Variants in CFAP299 observed in about 807,000 individuals in gnomAD.
CFAP299 encodes cilia- and flagella-associated protein 299.
A neutral mutation model predicts 27.0 loss-of-function variants in CFAP299; 21 were observed. The ratio of observed to expected loss-of-function variants is 0.78; its 90% CI spans 0.55 to 1.12. The LOEUF (loss-of-function observed/expected upper bound fraction) is 1.12, where lower values mean the gene tolerates loss of function less well. Among genes scored for constraint, CFAP299 ranks in the 50% most tolerant of loss-of-function variants. The pLI is 0.00. For missense variants in CFAP299, 310 were observed against 276.6 expected, an observed-to-expected ratio of 1.12 and a Z score of -0.86; for synonymous variants, 104 against 98.1, an observed-to-expected ratio of 1.06 and a Z score of -0.36.
chr4:80,501,981 G>T (rs1026957435), intron 2 of CFAP299, among the ~76,000 whole-genome samples: 15 of 151,916 alleles, frequency 9.9e-5, no homozygotes, highest in Non-Finnish European at 1.6e-4. Flanking sequence ...GTTTTGGGTT[G>T]TCTATTATTA....
chr4:80,745,433 T>C (rs75030592), intron 3 of CFAP299, among the ~76,000 whole-genome samples: 1 of 152,102 alleles, frequency 6.6e-6, no homozygotes, highest in East Asian at 1.9e-4. Context: ...CCAAATAAAA[T>C]TGCATGCATT....
intron 3 of CFAP299, among the ~76,000 whole-genome samples, chr4:80,741,910 G>C (rs185850681): frequency 6.6e-6 from 1 of 152,218 alleles, no homozygotes; most frequent in Admixed American, 6.5e-5. Flanking sequence ...TGATCCCAAT[G>C]CTCCCTCCTT....
chr4:80,379,588 T>A (rs190552197), intron 2 of CFAP299, among the ~76,000 whole-genome samples: 98 of 145,784 alleles, frequency 6.7e-4, no homozygotes, highest in African/African-American at 2.2e-3. Context: ...TGATGTTTGA[T>A]GTTTGTTTTT....
rs1277555456 is a variant in CFAP299, at chr4:80,387,103, C to A, written c.242+24219C>A. ...GCGGTCTGCAGGTGATGCTCCAGGGCCTCTGGGGTGGATATTTGTTGACAC... is the reference window on the plus strand; with the variant it reads ...GCGGTCTGCAGGTGATGCTCCAGGGACTCTGGGGTGGATATTTGTTGACAC... On this transcript the variant is annotated intron_variant, in intron 2 of 5. Transcript: ENST00000358105. The A allele has an allele frequency of 2.1e-6, 3 of 1,444,118 alleles. No homozygotes were observed. In the African/African-American group the frequency reaches 4.2e-5, roughly 20 times the overall value. The allele number at this position is 1,444,118 out of a possible 1,614,324, so 89.5% of individuals were successfully genotyped here.
chr4:80,892,015 T>G (rs1455392758), intron 4 of CFAP299, among the ~76,000 whole-genome samples: 1 of 151,816 alleles, frequency 6.6e-6, no homozygotes, highest in Admixed American at 6.6e-5. Context: ...AATCCTAAAG[T>G]TTATATGGAA....
intron 2 of CFAP299, among the ~76,000 whole-genome samples, chr4:80,417,088 G>A (rs544992369): frequency 1.3e-5 from 2 of 152,302 alleles, no homozygotes; most frequent in African/African-American, 4.8e-5. Flanking sequence ...TGAAGTTTCT[G>A]GAAAAGGGGT....
intron 3 of CFAP299, among the ~76,000 whole-genome samples, chr4:80,818,989 G>A (rs769639959): frequency 2.6e-5 from 4 of 152,014 alleles, no homozygotes; most frequent in Non-Finnish European, 4.4e-5. Context: ...AGAATGAGAT[G>A]GATGATCACT....
At chr4:80,956,219 A>C (rs1402590281) in intron 5 of CFAP299, among the ~76,000 whole-genome samples, 1 of 152,182 alleles carries the variant, frequency 6.6e-6, no homozygotes, top group Non-Finnish European at 1.5e-5. Context: ...CTTTAGATAG[A>C]TATTGTCAAA....
At chr4:80,338,192 A>C (rs983448185) in intron 1 of CFAP299, among the ~76,000 whole-genome samples, 7 of 152,212 alleles carry the variant, frequency 4.6e-5, no homozygotes, top group African/African-American at 1.7e-4. Context: ...AAAATTGTCG[A>C]TATTTATCAT....
chr4:80,517,157 G>T (rs1732628285), intron 2 of CFAP299, among the ~76,000 whole-genome samples: 1 of 152,146 alleles, frequency 6.6e-6, no homozygotes, highest in South Asian at 2.1e-4. Flanking sequence ...GTTTGTTGAG[G>T]AGTAAATAGG....
chr4:80,425,941 G>T (rs534259171), intron 2 of CFAP299, among the ~76,000 whole-genome samples: 132 of 152,218 alleles, frequency 8.7e-4, no homozygotes, highest in African/African-American at 3.0e-3. Flanking sequence ...CACCAGAAAT[G>T]CTTCAAATAT....
rs142577980 is a variant in CFAP299, at chr4:80,784,370, T to G, written c.334-85623T>G. Reference sequence around the variant, plus strand: ...CCTCGCCAACACTTGTGATCTGTCTTTTGAGGATGCCCATCCTAACATACA... The same window carrying G: ...CCTCGCCAACACTTGTGATCTGTCTGTTGAGGATGCCCATCCTAACATACA... On this transcript the variant is annotated intron_variant, in intron 3 of 5. Transcript: ENST00000358105. 1.2e-3 allele frequency among the ~76,000 whole-genome samples: 187 copies of G among 152,308 alleles called. 1 individual carries two copies. Among genetic ancestry groups the G allele is most frequent in the African/African-American group, 4.2e-3 (173 of 41,576 alleles).
At chr4:80,807,805 T>A (rs748283972) in intron 3 of CFAP299, among the ~76,000 whole-genome samples, 2 of 152,122 alleles carry the variant, frequency 1.3e-5, no homozygotes, top group African/African-American at 4.8e-5. Flanking sequence ...TGCTAAAGTA[T>A]TTCTGTTTAT....
At chr4:80,503,603 T>TA (rs1319954598) in intron 2 of CFAP299, among the ~76,000 whole-genome samples, 5 of 152,120 alleles carry the variant, frequency 3.3e-5, no homozygotes, top group African/African-American at 1.2e-4. Flanking sequence ...TTAATGCTAG[T>TA]ACCTCCATCA....
At chr4:80,816,743 G>A (rs771380276) in intron 3 of CFAP299, among the ~76,000 whole-genome samples, 9 of 152,066 alleles carry the variant, frequency 5.9e-5, no homozygotes, top group Non-Finnish European at 1.3e-4. Context: ...TCAGTATAGT[G>A]CAGGGGTGTC....
intron 3 of CFAP299, among the ~76,000 whole-genome samples, chr4:80,843,912 C>CCCCACCA (rs1408101439): frequency 6.6e-6 from 1 of 151,880 alleles, no homozygotes; most frequent in African/African-American, 2.4e-5. Context: ...CCTCCCCACT[C>CCCCACCA]TCCACAATAG....
At position 80,778,244 on chromosome 4, in the gene CFAP299, T is replaced by TTAAAG. The variant is rs560428690; in HGVS notation, c.334-91749_334-91748insTAAAG. ...GACTTTCTAGCTGAAGTACAACAGA[T>TTAAAG]ATTTAGATACTGCCTATGCAGAATA... is the stretch of plus-strand genomic sequence containing the variant. On this transcript the variant is annotated intron_variant, in intron 3 of 5. Transcript: ENST00000358105. 3.3e-5 allele frequency among the ~76,000 whole-genome samples: 5 copies of TTAAAG among 152,164 alleles called. No individual in the cohort carries two copies. The South Asian group carries it at 1.0e-3, about 31-fold the overall frequency.
At chr4:80,444,606 G>A (rs963171104) in intron 2 of CFAP299, among the ~76,000 whole-genome samples, 14 of 152,084 alleles carry the variant, frequency 9.2e-5, no homozygotes, top group African/African-American at 3.4e-4. Context: ...TACTATTCAG[G>A]ACTTAGGCAT....
chr4:80,440,969 G>A (rs1728330163), intron 2 of CFAP299, among the ~76,000 whole-genome samples: 1 of 152,040 alleles, frequency 6.6e-6, no homozygotes, highest in Admixed American at 6.6e-5. Context: ...AGAGATGGAA[G>A]ATCAAATGAA....
Sources: gnomAD v4.1 joint callset for allele counts (sites outside exome capture counted in the v4.1 genomes callset) on GRCh38, gnomAD v4.1.1 for gene constraint, MANE v1.5 for transcripts, NCBI Gene and HGNC (gene_info 2026-07-23, HGNC 2026-07-21) for gene names.